The following CCDC66 variants were observed in gnomAD, a reference collection of about 807,000 sequenced individuals.
The protein encoded by CCDC66 is coiled-coil domain containing 66.
In CCDC66, 133 loss-of-function variants were observed where a neutral mutation model predicts 128.3. The ratio of observed to expected loss-of-function variants is 1.04; its 90% confidence interval spans 0.90 to 1.20. The LOEUF (loss-of-function observed/expected upper bound fraction) is 1.20. CCDC66 is among the 50% of genes most tolerant of loss of function. The probability of loss-of-function intolerance (pLI) is 0.00; values close to 1 mark genes in which losing one functional copy is unlikely to be tolerated. For missense variants in CCDC66, 1,126 were observed against 1,075.5 expected (o/e 1.05, Z -0.66); for synonymous variants, 387 against 357.0 (o/e 1.08, Z -0.95).
At chr3:56,574,789 C>G (rs2067139524) in intron 7 of CCDC66, among the ~76,000 whole-genome samples, 1 of 151,852 alleles carries the variant, frequency 6.6e-6, no homozygotes, top group South Asian at 2.1e-4. Context: ...TCAAGTGATT[C>G]TCCTGTCTCA....
At chr3:56,591,466 A>G (rs893229282) in intron 7 of CCDC66, among the ~76,000 whole-genome samples, 6 of 152,220 alleles carry the variant, frequency 3.9e-5, no homozygotes, top group African/African-American at 1.2e-4. Context: ...CAGATGAAAT[A>G]AACTAACACT....
At chr3:56,617,759 GT>G in intron 14 of CCDC66, 154 bp downstream of exon 14, 2 of 901,582 alleles carry the variant, frequency 2.2e-6, no homozygotes, top group South Asian at 1.9e-5. Flanking sequence ...GCTGCTGCCT[GT>G]TTTTGGAAAG....
At chr3:56,575,948 AC>A (rs2067298309) in intron 7 of CCDC66, among the ~76,000 whole-genome samples, 1 of 151,696 alleles carries the variant, frequency 6.6e-6, no homozygotes, top group Admixed American at 6.6e-5. Context: ...CTACTGCCTC[AC>A]CATCAGGAAC....
chr3:56,597,840 T>C (rs959680140), intron 10 of CCDC66, among the ~76,000 whole-genome samples: 2 of 134,934 alleles, frequency 1.5e-5, no homozygotes, highest in Non-Finnish European at 3.1e-5. Context: ...AGTGGCGCGA[T>C]CTCATCCCAC....
chr3:56,617,465 A>G lies in CCDC66; in HGVS notation c.2197A>G (p.Arg733Gly), dbSNP rs1415513897. ...AAAGCAGAGAGAAGAAAAAAAAGTA[A>G]GGAGGCAGATGGAATTGCTTCATTT... is the stretch of plus-strand genomic sequence containing the variant. ...LQKQREEKKV[R>G]RQMELLHLVE... is the part of the protein sequence containing the mutation. The change falls in exon 14 of 18, where the codon AGG (arginine) becomes GGG (glycine). Residue 733 changes from arginine (R) to glycine (G), a missense_variant. Arg to Gly is a moderately radical substitution (Grantham distance 125). Coordinates refer to ENST00000394672, the MANE Select transcript of CCDC66 (RefSeq NM_001141947.3). 5 of 1,614,052 alleles carry G rather than the reference A, an allele frequency of 3.1e-6. No individual in the cohort carries two copies. The highest frequency in any genetic ancestry group is 4.2e-6 in the Non-Finnish European group (5 of 1,179,964).
chr3:56,563,620 T>TA, intron 3 of CCDC66, 64 bp from the exon 4 acceptor site: 1 of 1,293,274 alleles, frequency 7.7e-7, no homozygotes, highest in Non-Finnish European at 1.0e-6. Context: ...TCACAGATCA[T>TA]ATAAAGATAA....
chr3:56,608,193 G>C (rs2074324450), intron 10 of CCDC66, among the ~76,000 whole-genome samples: 1 of 152,102 alleles, frequency 6.6e-6, no homozygotes, highest in Non-Finnish European at 1.5e-5. Flanking sequence ...TTGTGGAATA[G>C]CGTCAAAAGA....
intron 10 of CCDC66, among the ~76,000 whole-genome samples, chr3:56,595,329 T>C (rs2071680076): frequency 6.6e-6 from 1 of 152,180 alleles, no homozygotes; most frequent in South Asian, 2.1e-4. Context: ...TATCAAACAT[T>C]AGAACTTATT....
At chr3:56,587,714 C>CA (rs1357044216) in intron 7 of CCDC66, among the ~76,000 whole-genome samples, 1 of 152,022 alleles carries the variant, frequency 6.6e-6, no homozygotes, top group East Asian at 1.9e-4. Context: ...CCTAAAAATA[C>CA]AAAAATTAGC....
chr3:56,593,966 C>G lies in CCDC66; in HGVS notation c.1342C>G (p.Leu448Val), dbSNP rs750520218. The change falls in exon 10 of 18, where the codon CTC (leucine) becomes GTC (valine). Residue 448 changes from leucine (L) to valine (V), a missense_variant. By Grantham distance (32) the Leu-to-Val change is conservative (BLOSUM62 1). Coordinates refer to ENST00000394672, the MANE Select transcript of CCDC66 (RefSeq NM_001141947.3). Reference protein sequence around the residue: ...KTNFLRSMTALLDPAQIEERD... With the variant: ...KTNFLRSMTAVLDPAQIEERD... ...CAGCTTTCTCCGTTCTATGACTGCT[C>G]TCTTGGACCCAGCTCAGATTGAGGA... 5.0e-6 allele frequency: 8 copies of G among 1,614,142 alleles called. No individual in the cohort carries two copies. In the East Asian group the frequency reaches 8.9e-5, roughly 18 times the overall value.
intron 10 of CCDC66, among the ~76,000 whole-genome samples, chr3:56,608,391 A>G (rs777135802): frequency 1.1e-4 from 17 of 151,940 alleles, no homozygotes; most frequent in Non-Finnish European, 2.2e-4. Flanking sequence ...CATTTCTTCT[A>G]GGTTTTCTAG....
In CCDC66 at chr3:56,593,523, T is replaced by C; in HGVS notation, c.1101T>C (p.Phe367=). The C allele has an allele frequency of 6.2e-7, 1 of 1,614,220 alleles. No individual in the cohort carries two copies. The highest frequency in any genetic ancestry group is 8.5e-7 in the Non-Finnish European group (1 of 1,180,018). The change falls in exon 9 of 18, where the codon TTT becomes TTC. Residue 367 remains phenylalanine (F), a synonymous_variant. Transcript: ENST00000394672. ...GEEHDRWAMH[F]DSLKSYPGSQ... is the part of the protein sequence containing the mutation. The stretch of plus-strand genomic sequence containing the variant: ...AACATGACAGATGGGCAATGCACTT[T>C]GATTCATTAAAGAGTTATCCTGGTT...
chr3:56,615,189 C>T lies in CCDC66; in HGVS notation c.1628C>T (p.Ala543Val), dbSNP rs2075333058. 1 of 1,613,714 alleles carries T rather than the reference C, an allele frequency of 6.2e-7. No individual in the cohort carries two copies. The highest frequency in any genetic ancestry group is 8.5e-7 in the Non-Finnish European group (1 of 1,179,908). ...ACAATGCAGCGAGCACAGGAACTGG[C>T]ACAGAGACTAAAACAAGAACAAAGA... ...FQTMQRAQEL[A>V]QRLKQEQRIR... is the part of the protein sequence containing the mutation. Residue 543 changes from alanine (A) to valine (V), a missense_variant, in exon 12 of 18, where the codon GCA becomes GTA. Transcript: ENST00000394672.
intron 7 of CCDC66, among the ~76,000 whole-genome samples, chr3:56,578,329 A>G (rs1053173813): frequency 6.6e-6 from 1 of 151,780 alleles, no homozygotes; most frequent in Non-Finnish European, 1.5e-5. Context: ...GGGGTTTTCT[A>G]AATATACAAT....
chr3:56,584,172 G>A (rs1291536278), intron 7 of CCDC66, among the ~76,000 whole-genome samples: 7 of 145,724 alleles, frequency 4.8e-5, no homozygotes, highest in East Asian at 4.5e-4. Context: ...CCCACCTCCC[G>A]GGCGGGGCGG....
chr3:56,580,102 T>G (rs540262595), intron 7 of CCDC66, among the ~76,000 whole-genome samples: 10 of 151,926 alleles, frequency 6.6e-5, no homozygotes, highest in South Asian at 6.2e-4. Flanking sequence ...CCTGTATTGG[T>G]TGCATATATA....
chr3:56,581,770 C>T (rs575641943), intron 7 of CCDC66, among the ~76,000 whole-genome samples: 9 of 151,894 alleles, frequency 5.9e-5, no homozygotes, highest in Non-Finnish European at 7.4e-5. Context: ...GATCCTTCTT[C>T]TGGAAGCTTC....
intron 3 of CCDC66, chr3:56,563,478 C>A (rs1203972051): frequency 7.7e-6 from 4 of 519,288 alleles, no homozygotes; most frequent in Admixed American, 7.1e-5. Flanking sequence ...TGTCCTATAA[C>A]AACTATAATA....
At chr3:56,620,682 G>GTTA (rs2107484568) in intron 17 of CCDC66, 2 of 152,300 alleles carry the variant, frequency 1.3e-5, no homozygotes, top group South Asian at 2.1e-4. Flanking sequence ...TTTTACATAA[G>GTTA]TTATTTCTTT....
Sources: gnomAD v4.1 joint callset for allele counts (sites outside exome capture counted in the v4.1 genomes callset) on GRCh38, gnomAD v4.1.1 for gene constraint, MANE v1.5 for transcripts, NCBI Gene and HGNC (gene_info 2026-07-23, HGNC 2026-07-21) for gene names.